Variants in PDIA5 observed in about 807,000 individuals in gnomAD.
The protein encoded by PDIA5 is protein disulfide isomerase family A member 5, also known as protein disulfide-isomerase A5.
A neutral mutation model predicts 77.6 loss-of-function variants in PDIA5; 58 were observed. That is an observed-to-expected ratio of 0.75 (90% confidence interval 0.61 to 0.93). The LOEUF (loss-of-function observed/expected upper bound fraction) is 0.93, where lower values mean the gene tolerates loss of function less well. Ranked by LOEUF, PDIA5 falls within the 40% of genes least tolerant of loss-of-function variation. The pLI, the probability that PDIA5 is intolerant of heterozygous loss-of-function variation, is 0.00. For missense variants in PDIA5, 630 were observed against 647.7 expected (o/e 0.97, Z 0.30); for synonymous variants, 250 against 252.1 (o/e 0.99, Z 0.08).
intron 1 of PDIA5, among the ~76,000 whole-genome samples, chr3:123,071,253 C>G (rs1199735898): frequency 1.3e-5 from 2 of 152,024 alleles, no homozygotes; most frequent in East Asian, 3.9e-4. Context: ...TCAAGGCCAC[C>G]CAGTTAGTGA....
chr3:123,129,903 C>T (rs1371472975), intron 10 of PDIA5, among the ~76,000 whole-genome samples: 1 of 152,126 alleles, frequency 6.6e-6, no homozygotes, highest in Non-Finnish European at 1.5e-5. Flanking sequence ...AGTTAGGATA[C>T]CCCCAGCCTT....
At chr3:123,080,231 C>T (rs1933965307) in intron 1 of PDIA5, among the ~76,000 whole-genome samples, 1 of 152,142 alleles carries the variant, frequency 6.6e-6, no homozygotes, top group African/African-American at 2.4e-5. Flanking sequence ...GGGACTTCTA[C>T]ATATTAGCAT....
chr3:123,070,643 T>G (rs1933700240), intron 1 of PDIA5, among the ~76,000 whole-genome samples: 1 of 152,094 alleles, frequency 6.6e-6, no homozygotes, highest in South Asian at 2.1e-4. Context: ...GAGGTAGCCC[T>G]AGGGCACAGG....
At chr3:123,094,579 G>A (rs779253180) in intron 3 of PDIA5, among the ~76,000 whole-genome samples, 4 of 152,250 alleles carry the variant, frequency 2.6e-5, no homozygotes, top group African/African-American at 7.2e-5. Flanking sequence ...AGAGCCCTGC[G>A]TTGACAGCTC....
rs909468948 is a variant in PDIA5 at position 123,150,294 on chromosome 3, C to T, written c.1203C>T (p.His401=). ...AAGAGCAGCAGACAAGCGTGTTGCA[C>T]CTGGTGGGGGACAACTTCCGGGAGA... ...TWEEQQTSVL[H]LVGDNFRETL... The change falls in exon 14 of 17, where the codon CAC becomes CAT. Residue 401 remains histidine, a synonymous_variant. Transcript: ENST00000316218. 4 of 1,613,800 alleles carry T rather than the reference C, an allele frequency of 2.5e-6. No individual in the cohort carries two copies. Among genetic ancestry groups the T allele is most frequent in the Admixed American group, 1.7e-5 (1 of 59,988 alleles).
intron 3 of PDIA5, among the ~76,000 whole-genome samples, chr3:123,096,777 G>C (rs1458569840): frequency 6.6e-6 from 1 of 152,184 alleles, no homozygotes; most frequent in Non-Finnish European, 1.5e-5. Context: ...AGTCTGGCTG[G>C]TGATGGTTGT....
At chr3:123,091,757 T>TTCTGGGG in intron 2 of PDIA5, among the ~76,000 whole-genome samples, 1 of 152,326 alleles carries the variant, frequency 6.6e-6, no homozygotes, top group East Asian at 1.9e-4. Context: ...AGTGGGCTGT[T>TTCTGGGG]AAATGTGGCT....
At chr3:123,121,833 C>T (rs1935128970) in intron 8 of PDIA5, among the ~76,000 whole-genome samples, 1 of 152,248 alleles carries the variant, frequency 6.6e-6, no homozygotes, top group Non-Finnish European at 1.5e-5. Context: ...TCAACAACCA[C>T]ATGAGGTGGC....
chr3:123,084,148 G>C (rs1460873547), intron 1 of PDIA5, among the ~76,000 whole-genome samples: 1 of 152,082 alleles, frequency 6.6e-6, no homozygotes, highest in African/African-American at 2.4e-5. Flanking sequence ...GGCAAATCCT[G>C]CTTCTCCTGT....
intron 1 of PDIA5, 76 bp downstream of exon 1, chr3:123,067,282 C>G (rs1340647257): frequency 8.6e-7 from 1 of 1,163,430 alleles, no homozygotes; most frequent in Non-Finnish European, 1.1e-6. Context: ...TCTGCTCCAG[C>G]CCTCTGCGGA....
At chr3:123,097,403 C>T (rs867156143) in intron 3 of PDIA5, among the ~76,000 whole-genome samples, 5 of 152,066 alleles carry the variant, frequency 3.3e-5, no homozygotes, top group Middle Eastern at 3.2e-3. Context: ...CTCTTTTTCC[C>T]GCCACTCTTA....
intron 3 of PDIA5, among the ~76,000 whole-genome samples, chr3:123,093,217 C>T (rs780965645): frequency 2.6e-5 from 4 of 151,870 alleles, no homozygotes; most frequent in Non-Finnish European, 5.9e-5. Flanking sequence ...CTGAGTGAAA[C>T]TAGGATAATA....
In PDIA5 at chr3:123,116,380, A is replaced by G. The variant is rs891920899; in HGVS notation, c.609+82A>G. 4 of 1,043,028 alleles carry G rather than the reference A, an allele frequency of 3.8e-6. No homozygotes were observed. The Admixed American group carries it at 7.1e-5, about 18-fold the overall frequency. The allele number at this position is 1,043,028 out of a possible 1,614,324, so 64.6% of individuals were successfully genotyped here. ...AGGGTGCCAGGGGTGGGGTGGGGAC[A>G]GGTTTTGAAATGGTGAGGATGACTG... is the stretch of plus-strand genomic sequence containing the variant. On this transcript the variant is annotated intron_variant, in intron 8 of 16. Transcript: ENST00000316218.
Position 123,089,235 on chromosome 3 carries a change from A to G in PDIA5, c.110A>G (p.Lys37Arg). The change falls in exon 2 of 17, where the codon AAG becomes AGG. Residue 37 changes from lysine (K) to arginine (R), a missense_variant. By Grantham distance (26) the Lys-to-Arg change is conservative. Transcript: ENST00000316218. Reference protein sequence around the residue: ...SSLIERISDPKDLKKLLRTRN... With the variant: ...SSLIERISDPRDLKKLLRTRN... ...CTCATTGAGAGAATCTCTGACCCCA[A>G]GGACTTGAAAAAACTGCTCAGAACC... 6.2e-7 allele frequency: 1 copy of G among 1,614,038 alleles called. No individual in the cohort carries two copies. Among genetic ancestry groups the G allele is most frequent in the Non-Finnish European group, 8.5e-7 (1 of 1,179,862 alleles).
At chr3:123,069,775 A>G (rs7617935) in intron 1 of PDIA5, among the ~76,000 whole-genome samples, 112,582 of 151,920 alleles carry the variant, frequency 0.74, 42,521 homozygotes, top group East Asian at 0.91. Context: ...TAACATATGA[A>G]TTTTCAGGGG....
At chr3:123,135,016 G>T (rs2107970294) in intron 11 of PDIA5, among the ~76,000 whole-genome samples, 1 of 152,348 alleles carries the variant, frequency 6.6e-6, no homozygotes, top group East Asian at 1.9e-4. Flanking sequence ...TGCAGCCCCA[G>T]GCCCGGTTTT....
At chr3:123,118,720 C>A (rs556264584) in intron 8 of PDIA5, among the ~76,000 whole-genome samples, 1 of 152,228 alleles carries the variant, frequency 6.6e-6, no homozygotes, top group Non-Finnish European at 1.5e-5. Flanking sequence ...ATGTCTATTT[C>A]TTTAGCACAT....
chr3:123,161,331 C>T lies in PDIA5; in HGVS notation c.1355C>T (p.Ala452Val). 6.2e-7 allele frequency: 1 copy of T among 1,613,842 alleles called. No homozygotes were observed. The highest frequency in any genetic ancestry group is 8.5e-7 in the Non-Finnish European group (1 of 1,179,862). Residue 452 changes from alanine to valine, a missense_variant, in exon 16 of 17, where the codon GCC becomes GTC. Physicochemically the swap from Ala to Val is moderately conservative, Grantham distance 64. Coordinates refer to ENST00000316218, the MANE Select transcript of PDIA5 (RefSeq NM_006810.4). ...TACCTTGGCTCCTAGATTGCCTGTG[C>T]CGCTGTTGACTGTGTCAAAGACAAG... ...AFKDDRKIAC[A>V]AVDCVKDKNQ...
rs529249701 is a variant in PDIA5 at position 123,123,610 on chromosome 3, A to G, written c.610-456A>G. On this transcript the variant is annotated intron_variant, in intron 8 of 16. Transcript: ENST00000316218. ...GAGGTATCCAGGAAGGTGTCTAAGG[A>G]CGTTGTACAGAGCTGAATTGGTGTA... 2.6e-5 allele frequency among the ~76,000 whole-genome samples: 4 copies of G among 152,366 alleles called. No individual in the cohort carries two copies. The South Asian group carries it at 8.3e-4, about 32-fold the overall frequency.
Sources: allele counts gnomAD v4.1 joint callset (sites outside exome capture counted in the v4.1 genomes callset), GRCh38; gene constraint gnomAD v4.1.1; transcripts MANE v1.5; gene names NCBI Gene and HGNC (gene_info 2026-07-23, HGNC 2026-07-21).